ANXA10: variants seen among roughly 807,000 people sequenced by gnomAD.
ANXA10 encodes annexin A10, also known as annexin 14.
In ANXA10, 49 loss-of-function variants were observed where a neutral mutation model predicts 53.5. The observed-to-expected ratio is 0.92, with a 90% CI of 0.73 to 1.16. The LOEUF is 1.16. Ranked by LOEUF, ANXA10 falls within the 50% of genes most tolerant of loss-of-function variation. The pLI, the probability that ANXA10 is intolerant of heterozygous loss-of-function variation, is 0.00. For synonymous variants in ANXA10, 131 were observed against 128.9 expected (o/e 1.02, Z -0.11); for missense variants, 393 against 394.4 (o/e 1.00, Z 0.03).
intron 9 of ANXA10, among the ~76,000 whole-genome samples, chr4:168,179,838 A>C (rs1398568797): frequency 6.6e-6 from 1 of 152,238 alleles, no homozygotes; most frequent in East Asian, 1.9e-4. Flanking sequence ...CCTAAGTAAG[A>C]AATGATATCC....
At chr4:168,150,674 T>C (rs1731481194) in intron 3 of ANXA10, among the ~76,000 whole-genome samples, 1 of 152,196 alleles carries the variant, frequency 6.6e-6, no homozygotes, top group Non-Finnish European at 1.5e-5. Flanking sequence ...TTAAGCTTCA[T>C]ACCTCTCCAC....
At chr4:168,179,157 T>A in intron 8 of ANXA10, 60 bp from the exon 9 acceptor site, 1 of 1,020,742 alleles carries the variant, frequency 9.8e-7, no homozygotes, top group East Asian at 2.6e-5. Context: ...TGTGTAACAA[T>A]CTAATATTTG....
chr4:168,118,302 G>C (rs1730930652), intron 1 of ANXA10, among the ~76,000 whole-genome samples: 2 of 152,166 alleles, frequency 1.3e-5, no homozygotes, highest in Non-Finnish European at 2.9e-5. Flanking sequence ...TCCTCTTTCA[G>C]CTGAAATGAG....
chr4:168,174,511 C>A (rs1732080068), intron 6 of ANXA10, among the ~76,000 whole-genome samples: 1 of 152,184 alleles, frequency 6.6e-6, no homozygotes, highest in African/African-American at 2.4e-5. Flanking sequence ...GCCACAGGAT[C>A]CAGGCCAGGT....
At chr4:168,098,543 G>T (rs1327620895) in intron 1 of ANXA10, among the ~76,000 whole-genome samples, 1 of 152,080 alleles carries the variant, frequency 6.6e-6, no homozygotes, top group Non-Finnish European at 1.5e-5. Flanking sequence ...TTTAAAAGGA[G>T]ATTTCAGAGT....
chr4:168,177,637 C>G, intron 6 of ANXA10, 103 bp from the exon 7 acceptor site: 2 of 1,159,472 alleles, frequency 1.7e-6, no homozygotes, highest in Non-Finnish European at 2.6e-6. Flanking sequence ...AAAGAAGTTC[C>G]TTAGGAACAA....
intron 3 of ANXA10, among the ~76,000 whole-genome samples, chr4:168,157,049 A>T (rs1731698029): frequency 6.6e-6 from 1 of 152,114 alleles, no homozygotes; most frequent in African/African-American, 2.4e-5. Flanking sequence ...AAAACTACTA[A>T]ATTACCTGAT....
chr4:168,132,817 T>C (rs1329776221), intron 2 of ANXA10, among the ~76,000 whole-genome samples: 1 of 152,062 alleles, frequency 6.6e-6, no homozygotes, highest in African/African-American at 2.4e-5. Context: ...TTAGTAATAA[T>C]TATGTTCTTG....
At chr4:168,123,144 G>A (rs1260898331) in intron 1 of ANXA10, among the ~76,000 whole-genome samples, 1 of 152,146 alleles carries the variant, frequency 6.6e-6, no homozygotes, top group Non-Finnish European at 1.5e-5. Flanking sequence ...CCCTGAGCAT[G>A]CAATGTGGAG....
intron 1 of ANXA10, among the ~76,000 whole-genome samples, chr4:168,103,030 C>T (rs1730665839): frequency 6.6e-6 from 1 of 151,866 alleles, no homozygotes; most frequent in Non-Finnish European, 1.5e-5. Flanking sequence ...ATATCATTTT[C>T]TTTGTTTATT....
rs113582411 is a variant in ANXA10, at chr4:168,154,004, G to A, written c.196-8524G>A. Among the ~76,000 whole-genome samples the A allele has an allele frequency of 3.4e-3, 470 of 139,034 alleles. 2 individuals are homozygous for A. Among genetic ancestry groups the A allele is most frequent in the African/African-American group, 0.01 (364 of 36,170 alleles). The allele number at this position is 139,034 out of a possible 152,430, so 91.2% of individuals were successfully genotyped here. On this transcript the variant is annotated intron_variant, in intron 3 of 11. Transcript: ENST00000359299. ...TATACACACACACACACACACACAC[G>A]CACACACGCGCGCGCGCGTGCCTCT...
chr4:168,122,911 C>T (rs1275153413), intron 1 of ANXA10, among the ~76,000 whole-genome samples: 1 of 152,100 alleles, frequency 6.6e-6, no homozygotes, highest in Non-Finnish European at 1.5e-5. Flanking sequence ...ACATATTTAG[C>T]GTCATTTCAA....
At chr4:168,123,798 A>T (rs1731027841) in intron 1 of ANXA10, among the ~76,000 whole-genome samples, 2 of 151,770 alleles carry the variant, frequency 1.3e-5, no homozygotes, top group East Asian at 1.9e-4. Flanking sequence ...AACTTCTATA[A>T]AAAAAAATCA....
At position 168,122,716 on chromosome 4, in the gene ANXA10, G is replaced by T. The variant is rs192575557; in HGVS notation, c.19-5368G>T. ...ACAGGAGCAAGAGAGATGACTGGCG[G>T]GCAGGTTGTCACACACTTTTAAACT... is the stretch of plus-strand genomic sequence containing the variant. On this transcript the variant is annotated intron_variant, in intron 1 of 11. Coordinates refer to ENST00000359299, the MANE Select transcript of ANXA10 (RefSeq NM_007193.5). Among the ~76,000 whole-genome samples, 12 of 152,170 alleles carry T rather than the reference G, an allele frequency of 7.9e-5. 1 individual carries two copies. The highest frequency in any genetic ancestry group is 5.2e-4 in the Admixed American group (8 of 15,284).
At chr4:168,136,416 A>G (rs1020923388) in intron 2 of ANXA10, among the ~76,000 whole-genome samples, 1 of 152,196 alleles carries the variant, frequency 6.6e-6, no homozygotes, top group Admixed American at 6.5e-5. Context: ...CAAGTTAGTT[A>G]CTTCCAATGT....
intron 1 of ANXA10, among the ~76,000 whole-genome samples, chr4:168,125,492 C>T (rs1731052947): frequency 6.6e-6 from 1 of 152,042 alleles, no homozygotes; most frequent in African/African-American, 2.4e-5. Flanking sequence ...ACTCAAAAGC[C>T]ACATGAGAAA....
intron 1 of ANXA10, among the ~76,000 whole-genome samples, chr4:168,121,597 A>G (rs1184980209): frequency 6.6e-6 from 1 of 152,218 alleles, no homozygotes; most frequent in East Asian, 1.9e-4. Flanking sequence ...AAAACACATT[A>G]TCAAATAATT....
chr4:168,125,364 A>G (rs1026416868), intron 1 of ANXA10, among the ~76,000 whole-genome samples: 3 of 152,154 alleles, frequency 2.0e-5, no homozygotes, highest in African/African-American at 7.2e-5. Flanking sequence ...AAACATACTG[A>G]ATTATCCATT....
At chr4:168,108,469 TA>T (rs940302126) in intron 1 of ANXA10, among the ~76,000 whole-genome samples, 1 of 152,160 alleles carries the variant, frequency 6.6e-6, no homozygotes, top group Non-Finnish European at 1.5e-5. Context: ...TTGGGACCAT[TA>T]TAGGTTTTTA....
Sources: gnomAD v4.1 joint callset for allele counts (sites outside exome capture counted in the v4.1 genomes callset) on GRCh38, gnomAD v4.1.1 for gene constraint, MANE v1.5 for transcripts, NCBI Gene and HGNC (gene_info 2026-07-23, HGNC 2026-07-21) for gene names.